Variants in CHMP7 observed in about 807,000 individuals in gnomAD.
The protein encoded by CHMP7 is CHMP family, member 7.
A neutral mutation model predicts 53.7 loss-of-function variants in CHMP7; 15 were observed. The observed-to-expected ratio is 0.28, with a 90% CI of 0.19 to 0.43. CHMP7 has a LOEUF of 0.43. CHMP7 is among the 20% of genes least tolerant of loss of function. The probability of loss-of-function intolerance (pLI) is 1.00; values close to 1 mark genes in which losing one functional copy is unlikely to be tolerated. For missense variants in CHMP7, 527 were observed against 569.4 expected, an observed-to-expected ratio of 0.93 and a Z score of 0.76; for synonymous variants, 261 against 228.0, an observed-to-expected ratio of 1.14 and a Z score of -1.30.
chr8:23,259,099 C>G lies in CHMP7; in HGVS notation c.1093C>G (p.Leu365Val). 1 of 1,607,082 alleles carries G rather than the reference C, an allele frequency of 6.2e-7. No individual in the cohort carries two copies. The highest frequency in any genetic ancestry group is 2.2e-5 in the East Asian group (1 of 44,816). Residue 365 changes from leucine to valine, a missense_variant, in exon 9 of 11, where the codon CTG becomes GTG. Physicochemically the swap from Leu to Val is conservative, Grantham distance 32 (BLOSUM62 1). Coordinates refer to ENST00000397677, the MANE Select transcript of CHMP7 (RefSeq NM_152272.5). Reference sequence around the variant, plus strand: ...CACCCAGGATGAAGTTTCTCAGACTCTGGCTGGTGGGGTAACAAATGGCTT... The same window carrying G: ...CACCCAGGATGAAGTTTCTCAGACTGTGGCTGGTGGGGTAACAAATGGCTT... ...CDTQDEVSQT[L>V]AGGVTNGLDF...
chr8:23,256,465 G>A lies in CHMP7; in HGVS notation c.663G>A (p.Val221=). ...TVLEQNGEKI[V]KFARGPRAKV... is the part of the protein sequence containing the mutation. ...AATTTCTCCCTGTCCCTCAGATTGT[G>A]AAGTTTGCCCGAGGGCCACGTGCCA... is the stretch of plus-strand genomic sequence containing the variant. Residue 221 remains valine, a synonymous_variant, in exon 5 of 11, where the codon GTG becomes GTA. Transcript: ENST00000397677. The A allele has an allele frequency of 1.2e-6, 2 of 1,604,396 alleles. No individual in the cohort carries two copies. Among genetic ancestry groups the A allele is most frequent in the Non-Finnish European group, 1.7e-6 (2 of 1,171,134 alleles).
intron 10 of CHMP7, 88 bp downstream of exon 10, chr8:23,260,411 C>A: frequency 6.5e-7 from 1 of 1,533,874 alleles, no homozygotes; most frequent in Non-Finnish European, 9.0e-7. Context: ...ACTCCATTTG[C>A]CAGAGTACCA....
chr8:23,253,888 A>G (rs1054220411), intron 3 of CHMP7, among the ~76,000 whole-genome samples: 9 of 152,038 alleles, frequency 5.9e-5, no homozygotes, highest in African/African-American at 2.2e-4. Flanking sequence ...TAACTCTACA[A>G]TCCATCGTCT....
Position 23,246,575 on chromosome 8 carries a change from G to C in CHMP7, c.-121G>C. 1.3e-6 allele frequency: 1 copy of C among 790,450 alleles called. No individual in the cohort carries two copies. Among genetic ancestry groups the C allele is most frequent in the Non-Finnish European group, 2.0e-6 (1 of 505,398 alleles). The allele number at this position is 790,450 out of a possible 1,614,324, so 49.0% of individuals were successfully genotyped here. ...ACTTATGGAACTTATTTCACGCTCA[G>C]GGCGGCGGTGACGTGTGAACGAGAA... On this transcript the variant is annotated 5_prime_UTR_variant, in exon 2 of 11. Coordinates refer to ENST00000397677, the MANE Select transcript of CHMP7 (RefSeq NM_152272.5).
chr8:23,260,653 G>T lies in CHMP7; in HGVS notation c.*54G>T. ...AAGAGAGACCAGGCTTGCTGGGTGT[G>T]TACATAGTTATTTAAACAAGAAACT... On this transcript the variant is annotated 3_prime_UTR_variant, in exon 11 of 11. Transcript: ENST00000397677. 1 of 1,322,994 alleles carries T rather than the reference G, an allele frequency of 7.6e-7. No homozygotes were observed. The highest frequency in any genetic ancestry group is 1.1e-6 in the Non-Finnish European group (1 of 916,816). The allele number at this position is 1,322,994 out of a possible 1,614,324, so 82.0% of individuals were successfully genotyped here. A position where few individuals can be genotyped will look rare whatever the true frequency, so the allele number is the denominator to read the frequency against.
chr8:23,259,068 C>G lies in CHMP7; in HGVS notation c.1062C>G (p.Leu354=). ...GGCTTTGCACTTGTCTCTTACAGCTCTGTGACACCCAGGATGAAGTTTCTC... is the reference window on the plus strand; with the variant it reads ...GGCTTTGCACTTGTCTCTTACAGCTGTGTGACACCCAGGATGAAGTTTCTC... ...AESLVDQIQE[L]CDTQDEVSQT... Residue 354 remains leucine (L), a splice_region_variant and synonymous_variant, in exon 9 of 11, where the codon CTC becomes CTG. Transcript: ENST00000397677. 1.2e-6 allele frequency: 2 copies of G among 1,606,180 alleles called. No homozygotes were observed. The highest frequency in any genetic ancestry group is 2.2e-5 in the South Asian group (2 of 90,940).
chr8:23,259,135 A>G lies in CHMP7; in HGVS notation c.1120+9A>G. The G allele has an allele frequency of 1.5e-6, 2 of 1,366,180 alleles. No homozygotes were observed. Among genetic ancestry groups the G allele is most frequent in the Non-Finnish European group, 2.0e-6 (2 of 976,086 alleles). 84.6% of individuals were successfully genotyped at this position (1,366,180 alleles called of 1,614,324 possible). On this transcript the variant is annotated intron_variant, in intron 9 of 10. Coordinates refer to ENST00000397677, the MANE Select transcript of CHMP7 (RefSeq NM_152272.5). ...GGTAACAAATGGCTTAGGTGAGTGG[A>G]CAAGGTGGTTATTTTTATTTTTATT... is the stretch of plus-strand genomic sequence containing the variant.
rs573949358 is a variant in CHMP7, at chr8:23,253,797, C to T, written c.472-1450C>T. ...AATTTTGTTTGTCTCCACCACTCCT[C>T]TTTCTATGTTTATTATTCAAATAGC... On this transcript the variant is annotated intron_variant, in intron 3 of 10. Transcript: ENST00000397677. 5.3e-5 allele frequency among the ~76,000 whole-genome samples: 8 copies of T among 152,300 alleles called. No individual in the cohort carries two copies. The South Asian group carries it at 1.7e-3, about 32-fold the overall frequency.
At chr8:23,251,363 T>C (rs1801923975) in intron 3 of CHMP7, among the ~76,000 whole-genome samples, 1 of 152,232 alleles carries the variant, frequency 6.6e-6, no homozygotes, top group African/African-American at 2.4e-5. Flanking sequence ...CCAACTTTTC[T>C]CTCTTTGGGT....
chr8:23,255,136 G>C, intron 3 of CHMP7, 111 bp from the exon 4 acceptor site: 1 of 1,074,912 alleles, frequency 9.3e-7, no homozygotes. Flanking sequence ...GATGGGGTTG[G>C]GATTCCCGGG....
At chr8:23,251,248 A>G (rs1483492742) in intron 3 of CHMP7, among the ~76,000 whole-genome samples, 73 of 152,210 alleles carry the variant, frequency 4.8e-4, no homozygotes, top group Admixed American at 4.6e-3. Context: ...ACAGCCAGTA[A>G]CTTTTTACTT....
At position 23,258,100 on chromosome 8, in the gene CHMP7, C is replaced by A; in HGVS notation, c.840+19C>A. The A allele has an allele frequency of 6.2e-7, 1 of 1,607,578 alleles. No homozygotes were observed. Among genetic ancestry groups the A allele is most frequent in the Non-Finnish European group, 8.5e-7 (1 of 1,174,728 alleles). ...GCAGCTGGTGAGTTCTTGTCTCCTCCAGACCCATAGCAGTGCCCCAGGCAG... is the reference window on the plus strand; with the variant it reads ...GCAGCTGGTGAGTTCTTGTCTCCTCAAGACCCATAGCAGTGCCCCAGGCAG... On this transcript the variant is annotated intron_variant, in intron 6 of 10. Coordinates refer to ENST00000397677, the MANE Select transcript of CHMP7 (RefSeq NM_152272.5).
chr8:23,256,681 A>G, intron 5 of CHMP7, 88 bp downstream of exon 5: 2 of 1,099,028 alleles, frequency 1.8e-6, no homozygotes, highest in Non-Finnish European at 2.5e-6. Context: ...GCTTTTAAAA[A>G]ATAGGTGGGT....
Position 23,258,420 on chromosome 8 carries a change from C to G in CHMP7, c.931C>G (p.Arg311Gly). 6.2e-7 allele frequency: 1 copy of G among 1,614,056 alleles called. No homozygotes were observed. The highest frequency in any genetic ancestry group is 8.5e-7 in the Non-Finnish European group (1 of 1,180,012). The change falls in exon 7 of 11, where the codon CGG becomes GGG. Residue 311 changes from arginine to glycine, a missense_variant. By Grantham distance (125) the Arg-to-Gly change is moderately radical. Transcript: ENST00000397677. ...KLDTVQGILD[R>G]IYASQTDQMV... ...GGACACTGTTCAAGGCATCCTGGAC[C>G]GGATCTATGCCTCCCAGACAGATCA...
intron 1 of CHMP7, among the ~76,000 whole-genome samples, chr8:23,245,795 A>G (rs918753001): frequency 6.6e-6 from 1 of 152,232 alleles, no homozygotes; most frequent in East Asian, 1.9e-4. Flanking sequence ...GATTCAATTA[A>G]TTAGATATAA....
rs1228289234 is a variant in CHMP7 at position 23,246,757 on chromosome 8, C to T, written c.62C>T (p.Pro21Leu). The T allele has an allele frequency of 1.9e-6, 3 of 1,556,546 alleles. No individual in the cohort carries two copies. Among genetic ancestry groups the T allele is most frequent in the East Asian group, 2.4e-5 (1 of 41,206 alleles). The change falls in exon 2 of 11, where the codon CCC becomes CTC. Residue 21 changes from proline to leucine, a missense_variant. By Grantham distance (98) the Pro-to-Leu change is moderately conservative. Transcript: ENST00000397677. ...GGGGGAGACCCGGCGGGCCTTCTGC[C>T]CCCCGAGTGGGAGGAGGACGAGGAG... The part of the protein sequence containing the change: ...PAGGDPAGLL[P>L]PEWEEDEERM...
rs1435659536 is a variant in CHMP7, at chr8:23,261,814, C to T, written c.*1215C>T. 6.6e-6 allele frequency: 1 copy of T among 152,664 alleles called. No homozygotes were observed. Among genetic ancestry groups the T allele is most frequent in the Non-Finnish European group, 1.5e-5 (1 of 68,072 alleles). The allele number at this position is 152,664 out of a possible 1,614,324, so 9.5% of individuals were successfully genotyped here. A position where few individuals can be genotyped will look rare whatever the true frequency, so the allele number is the denominator to read the frequency against. On this transcript the variant is annotated 3_prime_UTR_variant, in exon 11 of 11. Transcript: ENST00000397677. Reference sequence around the variant, plus strand: ...TTCTGCCTGGAGCCCTTTGCCCTGTCCCTGCTGCCTGAGGTGGCGTAGAGC... The same window carrying T: ...TTCTGCCTGGAGCCCTTTGCCCTGTTCCTGCTGCCTGAGGTGGCGTAGAGC...
chr8:23,259,242 C>T lies in CHMP7; in HGVS notation c.1120+116C>T, dbSNP rs1157712922. On this transcript the variant is annotated intron_variant, in intron 9 of 10. Transcript: ENST00000397677. ...GGAGTGCAGTGGCGGGATCTCGGCTCACTGCAAGCTCCGCCTCCCGGGTTC... is the reference window on the plus strand; with the variant it reads ...GGAGTGCAGTGGCGGGATCTCGGCTTACTGCAAGCTCCGCCTCCCGGGTTC... 3 of 540,244 alleles carry T rather than the reference C, an allele frequency of 5.6e-6. No individual in the cohort carries two copies. In the Admixed American group the frequency reaches 1.0e-4, roughly 18 times the overall value. 33.5% of individuals were successfully genotyped at this position (540,244 alleles called of 1,614,324 possible). A position where few individuals can be genotyped will look rare whatever the true frequency, so the allele number is the denominator to read the frequency against.
intron 2 of CHMP7, among the ~76,000 whole-genome samples, chr8:23,247,404 T>A (rs1265830044): frequency 6.6e-6 from 1 of 152,148 alleles, no homozygotes; most frequent in Non-Finnish European, 1.5e-5. Context: ...AAAGCGGGCA[T>A]TCGTGGGGAA....
Sources: allele counts gnomAD v4.1 joint callset (sites outside exome capture counted in the v4.1 genomes callset), GRCh38; gene constraint gnomAD v4.1.1; transcripts MANE v1.5; gene names NCBI Gene and HGNC (gene_info 2026-07-23, HGNC 2026-07-21).